CCDC14: variants seen among roughly 807,000 people sequenced by gnomAD.
CCDC14 encodes coiled-coil domain-containing protein 14.
CCDC14 carries 71 observed loss-of-function variants against 81.4 expected under a neutral mutation model. That is an observed-to-expected ratio of 0.87 (90% CI 0.72 to 1.06). The LOEUF (loss-of-function observed/expected upper bound fraction) is 1.06, where lower values mean the gene tolerates loss of function less well. Among genes scored for constraint, CCDC14 ranks in the 50% least tolerant of loss-of-function variants. The probability of loss-of-function intolerance (pLI) is 0.00; values close to 1 mark genes in which losing one functional copy is unlikely to be tolerated. For synonymous variants in CCDC14, 332 were observed against 364.8 expected (o/e 0.91, Z 1.03); for missense variants, 1,046 against 1,047.3 (o/e 1.00, Z 0.02).
intron 2 of CCDC14, 52 bp from the exon 3 acceptor site, chr3:123,956,479 TAGTA>T: frequency 8.0e-7 from 1 of 1,246,584 alleles, no homozygotes; most frequent in South Asian, 1.4e-5. Flanking sequence ...CAAAATATAT[TAGTA>T]AGTAGTCATT....
intron 9 of CCDC14, among the ~76,000 whole-genome samples, chr3:123,939,792 A>C (rs963835315): frequency 6.6e-6 from 1 of 151,788 alleles, no homozygotes; most frequent in Non-Finnish European, 1.5e-5. Flanking sequence ...AAAGCGACAA[A>C]ATTTCAGCCT....
chr3:123,908,619 T>A (rs188736095), downstream of CCDC14, among the ~76,000 whole-genome samples: 3 of 152,206 alleles, frequency 2.0e-5, no homozygotes, highest in African/African-American at 7.2e-5. Flanking sequence ...TACAAAACTA[T>A]AATTTAAATT....
At chr3:123,899,757 G>C (rs1003116229) in intron 5 of CCDC14, among the ~76,000 whole-genome samples, 3 of 152,112 alleles carry the variant, frequency 2.0e-5, no homozygotes, top group Non-Finnish European at 2.9e-5. Flanking sequence ...ATCTGTTAAC[G>C]AAGTCTCCTC....
At chr3:123,897,760 C>G (rs1229925261) in intron 5 of CCDC14, 2 of 195,572 alleles carry the variant, frequency 1.0e-5, no homozygotes, top group African/African-American at 4.7e-5. Context: ...CCCTATACCT[C>G]CATTCTAAAA....
At chr3:123,892,197 A>G in the CCDC14 span, among the ~76,000 whole-genome samples, 1 of 152,186 alleles carries the variant, frequency 6.6e-6, no homozygotes, top group Non-Finnish European at 1.5e-5. Flanking sequence ...GAGCCAAACC[A>G]TATCAGTTCC....
rs2034530158 is a variant in CCDC14, at chr3:123,914,223, T to C, written c.*556A>G. The C allele has an allele frequency of 3.0e-6, 3 of 984,488 alleles. No individual in the cohort carries two copies. The highest frequency in any genetic ancestry group is 6.1e-5 in the Admixed American group (1 of 16,268). The allele number at this position is 984,488 out of a possible 1,614,324, so 61.0% of individuals were successfully genotyped here. A position where few individuals can be genotyped will look rare whatever the true frequency, so the allele number is the denominator to read the frequency against. Reference sequence around the variant, plus strand: ...ATGTTAACTTAGGATGTTATCTATATATTTTTTAGACCAATCAATGTTTTT... The same window carrying C: ...ATGTTAACTTAGGATGTTATCTATACATTTTTTAGACCAATCAATGTTTTT... On this transcript the variant is annotated 3_prime_UTR_variant, in exon 13 of 13. Transcript: ENST00000409697.
chr3:123,886,109 C>G, the CCDC14 span, among the ~76,000 whole-genome samples: 1 of 151,680 alleles, frequency 6.6e-6, no homozygotes, highest in African/African-American at 2.4e-5. Flanking sequence ...TTCAATATGG[C>G]TCCTGGCTCC....
chr3:123,940,479 T>C (rs907012701), intron 9 of CCDC14, among the ~76,000 whole-genome samples: 18 of 152,048 alleles, frequency 1.2e-4, no homozygotes, highest in African/African-American at 3.4e-4. Context: ...ATTCTGGACC[T>C]ACCTTTGTTC....
chr3:123,951,721 C>T (rs16834935), intron 5 of CCDC14, among the ~76,000 whole-genome samples: 3,189 of 152,266 alleles, frequency 0.021, 119 homozygotes, highest in African/African-American at 0.071. Context: ...CTTTTCAAGG[C>T]GTGGTTTTCA....
chr3:123,960,018 A>C (rs2037580850), intron 1 of CCDC14, among the ~76,000 whole-genome samples: 1 of 152,172 alleles, frequency 6.6e-6, no homozygotes. Context: ...TTTAGGATTA[A>C]AAAGAAAATT....
chr3:123,901,146 C>T (rs1434051510), intron 5 of CCDC14, among the ~76,000 whole-genome samples: 1 of 151,892 alleles, frequency 6.6e-6, no homozygotes, highest in African/African-American at 2.4e-5. Flanking sequence ...GCAGGAGAAT[C>T]ACTTGAACCC....
At chr3:123,930,504 G>A (rs1200871517) in intron 12 of CCDC14, among the ~76,000 whole-genome samples, 1 of 152,112 alleles carries the variant, frequency 6.6e-6, no homozygotes, top group African/African-American at 2.4e-5. Flanking sequence ...TTTTGTAAGT[G>A]AATATCATAG....
At chr3:123,941,609 T>C (rs1277901669) in intron 9 of CCDC14, among the ~76,000 whole-genome samples, 1 of 152,000 alleles carries the variant, frequency 6.6e-6, no homozygotes, top group Non-Finnish European at 1.5e-5. Flanking sequence ...AAAGAACATA[T>C]CTAATAAATT....
At chr3:123,900,869 A>T (rs1440156516) in intron 5 of CCDC14, among the ~76,000 whole-genome samples, 1 of 152,184 alleles carries the variant, frequency 6.6e-6, no homozygotes, top group South Asian at 2.1e-4. Flanking sequence ...TTGGAATTAG[A>T]TAAAATGATT....
At chr3:123,929,335 G>T (rs2148846934) in intron 12 of CCDC14, among the ~76,000 whole-genome samples, 1 of 151,952 alleles carries the variant, frequency 6.6e-6, no homozygotes, top group Non-Finnish European at 1.5e-5. Flanking sequence ...TTTTGAGACA[G>T]GGTCTTACTC....
chr3:123,944,942 G>C lies in CCDC14; in HGVS notation c.1250C>G (p.Ser417Cys). The C allele has an allele frequency of 1.2e-6, 2 of 1,609,960 alleles. No individual in the cohort carries two copies. Among genetic ancestry groups the C allele is most frequent in the East Asian group, 2.2e-5 (1 of 44,788 alleles). ...RLITEMEACI[S>C]VLPTVSGNTD... ...GTTTCCACTTACTGTTGGAAGTACA[G>C]ATATACATGCCTCCATTTCTGTAAT... The change falls in exon 9 of 13, where the codon TCT (serine) becomes TGT (cysteine). Residue 417 changes from serine (S) to cysteine (C), a missense_variant. Transcript: ENST00000409697.
At position 123,949,187 on chromosome 3, in the gene CCDC14, C is replaced by T. The variant is rs1004646658; in HGVS notation, c.353-55G>A. The stretch of plus-strand genomic sequence containing the variant: ...AATATGATTCTTCAAAAACTTTTAC[C>T]GTAAGATTTTAAGAGAAGAAAGGGC... On this transcript the variant is annotated intron_variant, in intron 5 of 12. Transcript: ENST00000409697. 54 of 1,138,220 alleles carry T rather than the reference C, an allele frequency of 4.7e-5. No individual in the cohort carries two copies. In the African/African-American group the frequency reaches 5.9e-4, roughly 12 times the overall value. The allele number at this position is 1,138,220 out of a possible 1,614,324, so 70.5% of individuals were successfully genotyped here.
intron 12 of CCDC14, among the ~76,000 whole-genome samples, chr3:123,929,793 A>G (rs2035595665): frequency 6.6e-6 from 1 of 152,102 alleles, no homozygotes; most frequent in Non-Finnish European, 1.5e-5. Context: ...GGCAACTACT[A>G]ATCTACTTTG....
chr3:123,958,345 A>G (rs900093294), intron 1 of CCDC14: 1 of 152,160 alleles, frequency 6.6e-6, no homozygotes, highest in Non-Finnish European at 1.5e-5. Flanking sequence ...AAGATTACAT[A>G]TGGTGTTTCT....
Sources: gnomAD v4.1 joint callset for allele counts (sites outside exome capture counted in the v4.1 genomes callset) on GRCh38, gnomAD v4.1.1 for gene constraint, MANE v1.5 for transcripts, NCBI Gene and HGNC (gene_info 2026-07-23, HGNC 2026-07-21) for gene names.